The following CLASP1 variants were observed in gnomAD, a reference collection of about 807,000 sequenced individuals.
The protein encoded by CLASP1 is cytoplasmic linker associated protein 1, also known as CLIP-associating protein 1.
CLASP1 carries 38 observed loss-of-function variants against 192.3 expected under a neutral mutation model. The observed-to-expected ratio is 0.20, with a 90% CI of 0.15 to 0.26. CLASP1 has a LOEUF of 0.26. CLASP1 is among the 10% of genes least tolerant of loss of function. CLASP1 has a pLI of 1.00. For synonymous variants in CLASP1, 691 were observed against 712.8 expected (o/e 0.97, Z 0.49); for missense variants, 1,433 against 1,932.5 (o/e 0.74, Z 4.85).
intron 33 of CLASP1, 134 bp from the exon 35 acceptor site, chr2:121,377,783 A>C (rs1028035989): frequency 3.3e-6 from 2 of 609,468 alleles, no homozygotes; most frequent in Admixed American, 7.0e-5. Flanking sequence ...TTGGAATGAA[A>C]AGGAGACGTC....
intron 37 of CLASP1, among the ~76,000 whole-genome samples, chr2:121,360,112 T>C (rs528995731): frequency 6.6e-6 from 1 of 152,328 alleles, no homozygotes; most frequent in South Asian, 2.1e-4. Flanking sequence ...ACAGTGCACA[T>C]GCTGGTGTGG....
chr2:121,422,150 T>C (rs1339106815), intron 22 of CLASP1, among the ~76,000 whole-genome samples: 1 of 152,220 alleles, frequency 6.6e-6, no homozygotes, highest in Non-Finnish European at 1.5e-5. Flanking sequence ...CCTACTTCAG[T>C]GTTTTAATGG....
intron 30 of CLASP1, among the ~76,000 whole-genome samples, chr2:121,390,324 C>A (rs1005754126): frequency 6.6e-6 from 1 of 152,164 alleles, no homozygotes; most frequent in African/African-American, 2.4e-5. Flanking sequence ...CTGTTCTTGT[C>A]GGCATATGTG....
Position 121,427,195 on chromosome 2 carries a change from A to T in CLASP1, c.2044+209T>A, listed in dbSNP as rs538731598. 7.9e-5 allele frequency among the ~76,000 whole-genome samples: 12 copies of T among 152,300 alleles called. No individual in the cohort carries two copies. The South Asian group carries it at 1.2e-3, about 16-fold the overall frequency. The stretch of plus-strand genomic sequence containing the variant: ...GTCTCAGGACCTATTAATTTTACCC[A>T]TAAAATTTGAGCTATATAAACTATT... On this transcript the variant is annotated intron_variant, in intron 21 of 39. Transcript: ENST00000263710.
chr2:121,450,985 A>G lies in CLASP1; in HGVS notation c.1451T>C (p.Ile484Thr), dbSNP rs750146305. 4 of 1,575,952 alleles carry G rather than the reference A, an allele frequency of 2.5e-6. No homozygotes were observed. In the East Asian group the frequency reaches 9.0e-5, roughly 35 times the overall value. ...CTTTATTGTTTCAGCTAATACTGAT[A>G]TGTGTCTAGATATTTAGAAAAGAAA... The change falls in exon 16 of 40, where the codon ATA (isoleucine) becomes ACA (threonine). Residue 484 changes from isoleucine (I) to threonine (T), a missense_variant. Ile to Thr is a moderately conservative substitution (Grantham distance 89). Around this residue, in one of 8 missense-constraint regions of CLASP1, gnomAD observed 113 missense variants for 239.5 expected, o/e 0.47. Coordinates refer to ENST00000263710, the Ensembl canonical transcript of CLASP1.
At chr2:121,434,024 T>C (rs914274721) in intron 19 of CLASP1, among the ~76,000 whole-genome samples, 3 of 152,186 alleles carry the variant, frequency 2.0e-5, no homozygotes, top group African/African-American at 7.2e-5. Flanking sequence ...CATCTGAGCA[T>C]GGCAGGAATT....
intron 2 of CLASP1, among the ~76,000 whole-genome samples, chr2:121,570,135 C>T (rs1002547526): frequency 4.6e-5 from 7 of 152,196 alleles, no homozygotes; most frequent in African/African-American, 1.7e-4. Flanking sequence ...CACTTCTTTC[C>T]AAGAGGCCTC....
chr2:121,429,936 A>G (rs2081098825), intron 20 of CLASP1, 137 bp downstream of exon 20: 1 of 633,956 alleles, frequency 1.6e-6, no homozygotes, highest in African/African-American at 1.8e-5. Flanking sequence ...AAACAGTAAG[A>G]TTACTCACAG....
intron 26 of CLASP1, 86 bp downstream of exon 27, chr2:121,404,285 A>G: frequency 6.4e-7 from 1 of 1,553,450 alleles, no homozygotes; most frequent in Non-Finnish European, 8.7e-7. Context: ...ACTATCGGGA[A>G]TTCTCTCTCA....
rs544107241 is a variant in CLASP1, at chr2:121,425,001, T to C, written c.2212+138A>G. The C allele has an allele frequency of 1.4e-4, 117 of 840,844 alleles. 2 individuals carry two copies. In the South Asian group the frequency reaches 2.0e-3, roughly 14 times the overall value. The allele number at this position is 840,844 out of a possible 1,614,324, so 52.1% of individuals were successfully genotyped here. ...AAACCTCAATATGCCATAATCTGTA[T>C]AAAGCACACCCAGGCAAAGTGACAT... On this transcript the variant is annotated intron_variant, in intron 22 of 39. Coordinates refer to ENST00000263710, the Ensembl canonical transcript of CLASP1.
chr2:121,421,774 C>A (rs560097829), intron 22 of CLASP1, among the ~76,000 whole-genome samples: 2 of 152,200 alleles, frequency 1.3e-5, no homozygotes, highest in East Asian at 3.9e-4. Context: ...AACTCCTGAC[C>A]TCAAGGGATT....
intron 8 of CLASP1, among the ~76,000 whole-genome samples, chr2:121,478,950 CCA>C (rs1439536309): frequency 2.1e-3 from 112 of 52,938 alleles, no homozygotes; most frequent in Non-Finnish European, 3.5e-3. Flanking sequence ...CACACACACA[CCA>C]CACACACACA....
intron 2 of CLASP1, among the ~76,000 whole-genome samples, chr2:121,567,068 C>G (rs747447288): frequency 4.6e-5 from 7 of 152,182 alleles, no homozygotes; most frequent in Non-Finnish European, 1.0e-4. Flanking sequence ...TTATCTTCAC[C>G]TATTAAAGGG....
At chr2:121,600,885 G>A (rs2063709505) in intron 2 of CLASP1, among the ~76,000 whole-genome samples, 1 of 152,176 alleles carries the variant, frequency 6.6e-6, no homozygotes, top group African/African-American at 2.4e-5. Context: ...GTTAAGCATG[G>A]CATTCAAAGG....
chr2:121,566,847 C>CT (rs1472708106), intron 2 of CLASP1, among the ~76,000 whole-genome samples: 1 of 152,186 alleles, frequency 6.6e-6, no homozygotes, highest in African/African-American at 2.4e-5. Flanking sequence ...AATTTTTTTA[C>CT]TTTCCAAGAC....
chr2:121,639,385 C>T (rs1464934545), intron 1 of CLASP1, among the ~76,000 whole-genome samples: 1 of 152,022 alleles, frequency 6.6e-6, no homozygotes, highest in African/African-American at 2.4e-5. Flanking sequence ...CCAGAATAGG[C>T]AAATCCATTG....
At position 121,355,206 on chromosome 2, in the gene CLASP1, T is replaced by TG. The variant is rs536450977; in HGVS notation, c.4207-6489dup. On this transcript the variant is annotated intron_variant, in intron 37 of 39. Transcript: ENST00000263710. ...CTCTGTTGCCCAGGCTGGAGTGCAG[T>TG]GGCGCCATCTTGGTGGGTTCAAGCG... Among the ~76,000 whole-genome samples, 42 of 152,278 alleles carry TG rather than the reference T, an allele frequency of 2.8e-4. No homozygotes were observed. In the East Asian group the frequency reaches 7.5e-3, roughly 27 times the overall value.
intron 30 of CLASP1, among the ~76,000 whole-genome samples, chr2:121,393,728 A>G (rs1366234651): frequency 1.3e-5 from 2 of 152,204 alleles, no homozygotes; most frequent in African/African-American, 2.4e-5. Flanking sequence ...ATTAATCTGC[A>G]GTGCCCTAAT....
At chr2:121,554,031 T>C (rs2058288321) in intron 2 of CLASP1, among the ~76,000 whole-genome samples, 2 of 150,208 alleles carry the variant, frequency 1.3e-5, no homozygotes, top group African/African-American at 4.9e-5. Flanking sequence ...CTAGGCAACA[T>C]AGTGAGATGC....
Sources: allele counts gnomAD v4.1 joint callset (sites outside exome capture counted in the v4.1 genomes callset), GRCh38; gene constraint gnomAD v4.1.1; regional missense constraint gnomAD v4.1.1; transcripts MANE v1.5; gene names NCBI Gene and HGNC (gene_info 2026-07-23, HGNC 2026-07-21).